Variants in CDC25C observed in about 807,000 individuals in gnomAD.
CDC25C encodes the protein M-phase inducer phosphatase 3.
Under a neutral mutation model 52.5 loss-of-function variants are expected in CDC25C, and 48 were observed. The observed-to-expected ratio is 0.91, with a 90% CI of 0.72 to 1.16. The LOEUF (loss-of-function observed/expected upper bound fraction) is 1.16. CDC25C is among the 50% of genes most tolerant of loss of function. The pLI, the probability that CDC25C is intolerant of heterozygous loss-of-function variation, is 0.00. For synonymous variants in CDC25C, 187 were observed against 206.5 expected, an observed-to-expected ratio of 0.91 and a Z score of 0.81; for missense variants, 510 against 566.1, an observed-to-expected ratio of 0.90 and a Z score of 1.01.
intron 3 of CDC25C, chr5:138,328,972 T>C: frequency 6.1e-6 from 1 of 162,852 alleles, no homozygotes; most frequent in Non-Finnish European, 1.3e-5. Context: ...TGGTGCTATC[T>C]TGGCTCACTG....
chr5:138,311,342 G>A (rs11567986), intron 7 of CDC25C, among the ~76,000 whole-genome samples: 15 of 152,234 alleles, frequency 9.9e-5, no homozygotes, highest in East Asian at 9.6e-4. Context: ...ACCTGTAATC[G>A]CAGCACCTTG....
At chr5:138,286,708 C>A in intron 11 of CDC25C, 78 bp from the exon 12 acceptor site, 1 of 1,341,094 alleles carries the variant, frequency 7.5e-7, no homozygotes, top group Non-Finnish European at 1.0e-6. Context: ...ACTGAGACGC[C>A]AACCTGGGAT....
intron 3 of CDC25C, 106 bp from the exon 4 acceptor site, chr5:138,328,635 A>T (rs1657895126): frequency 5.4e-6 from 5 of 929,672 alleles, no homozygotes; most frequent in Non-Finnish European, 5.3e-6. Context: ...AATTTCAAGG[A>T]CTGAGCTTTT....
rs780171836 is a variant in CDC25C, at chr5:138,331,003, G to C, written c.178C>G (p.Leu60Val). 1.4e-5 allele frequency: 23 copies of C among 1,611,152 alleles called. No individual in the cohort carries two copies. In the East Asian group the frequency reaches 5.1e-4, roughly 36 times the overall value. Reference sequence around the variant, plus strand: ...TATATTTACCCAGACAAAATGCTTAGGTTTGCAGAATCACCAAGAAATTTG... The same window carrying C: ...TATATTTACCCAGACAAAATGCTTACGTTTGCAGAATCACCAAGAAATTTG... Reference protein sequence around the residue: ...VGKFLGDSANLSILSGGTPKR... With the variant: ...VGKFLGDSANVSILSGGTPKR... Residue 60 changes from leucine to valine, a missense_variant, in exon 2 of 14, where the codon CTA becomes GTA. By Grantham distance (32) the Leu-to-Val change is conservative (BLOSUM62 1). Transcript: ENST00000323760.
At chr5:138,308,958 G>A (rs553848409) in intron 7 of CDC25C, among the ~76,000 whole-genome samples, 1 of 152,210 alleles carries the variant, frequency 6.6e-6, no homozygotes, top group Admixed American at 6.5e-5. Context: ...GGGTGGATAT[G>A]AGAATGAAAT....
At position 138,313,372 on chromosome 5, in the gene CDC25C, T is replaced by C. The variant is rs1377766491; in HGVS notation, c.615+5847A>G. Among the ~76,000 whole-genome samples, 221 of 110,622 alleles carry C rather than the reference T, an allele frequency of 2.0e-3. 1 individual carries two copies. The highest frequency in any genetic ancestry group is 7.5e-3 in the African/African-American group (208 of 27,644). The allele number at this position is 110,622 out of a possible 152,430, so 72.6% of individuals were successfully genotyped here. On this transcript the variant is annotated intron_variant, in intron 7 of 13. Transcript: ENST00000323760. ...CAGCTTGGGCGACAGAGCAAGACTA[T>C]ATCTCACAAAAAAAAAAAAAAAAAA... is the stretch of plus-strand genomic sequence containing the variant.
At chr5:138,330,508 G>GTTTTT (rs1190384598) in intron 2 of CDC25C, among the ~76,000 whole-genome samples, 1 of 152,000 alleles carries the variant, frequency 6.6e-6, no homozygotes, top group African/African-American at 2.4e-5. Flanking sequence ...TTATTTCTTT[G>GTTTTT]TCTTTTCTTT....
intron 4 of CDC25C, among the ~76,000 whole-genome samples, chr5:138,327,201 G>A (rs748417680): frequency 4.0e-5 from 6 of 150,776 alleles, no homozygotes; most frequent in Non-Finnish European, 7.4e-5. Context: ...GTTGTAGTGA[G>A]CCAAAATCGC....
At chr5:138,337,932 G>C (rs1412653711) in intron 1 of CDC25C, 119 of 1,281,928 alleles carry the variant, frequency 9.3e-5, no homozygotes, top group Non-Finnish European at 1.1e-4. Context: ...AGGGAGGGAG[G>C]GCAGGGGCGA....
chr5:138,313,379 CAAA>C (rs774904685), intron 7 of CDC25C, among the ~76,000 whole-genome samples: 19 of 37,068 alleles, frequency 5.1e-4, no homozygotes, highest in African/African-American at 1.9e-3. Flanking sequence ...CTATATCTCA[CAAA>C]AAAAAAAAAA....
At chr5:138,310,952 C>T (rs1758405150) in intron 7 of CDC25C, among the ~76,000 whole-genome samples, 1 of 152,208 alleles carries the variant, frequency 6.6e-6, no homozygotes, top group Non-Finnish European at 1.5e-5. Flanking sequence ...TACAAAGCTG[C>T]AGTAAACAGT....
upstream of CDC25C, among the ~76,000 whole-genome samples, chr5:138,332,531 A>G (rs1046945876): frequency 6.6e-6 from 1 of 152,130 alleles, no homozygotes; most frequent in African/African-American, 2.4e-5. Context: ...GACCTCAAAG[A>G]TTGGTTATTA....
Position 138,319,097 on chromosome 5 carries a change from G to A in CDC25C, c.615+122C>T, listed in dbSNP as rs1759135413. The A allele has an allele frequency of 8.8e-6, 7 of 796,832 alleles. No individual in the cohort carries two copies. The South Asian group carries it at 1.3e-4, about 14-fold the overall frequency. The allele number at this position is 796,832 out of a possible 1,614,324, so 49.4% of individuals were successfully genotyped here. A position where few individuals can be genotyped will look rare whatever the true frequency, so the allele number is the denominator to read the frequency against. ...TGAACATGTTCTGGCTATGAGGGTTGCTGGATTCACTAGTTATTTTTTTGC... is the reference window on the plus strand; with the variant it reads ...TGAACATGTTCTGGCTATGAGGGTTACTGGATTCACTAGTTATTTTTTTGC... On this transcript the variant is annotated intron_variant, in intron 7 of 13. Transcript: ENST00000323760.
intron 6 of CDC25C, among the ~76,000 whole-genome samples, chr5:138,325,554 G>A (rs1351982903): frequency 9.9e-5 from 15 of 152,012 alleles, no homozygotes; most frequent in Admixed American, 3.9e-4. Flanking sequence ...CTACAGTAAG[G>A]GTAATTTTTG....
intron 4 of CDC25C, among the ~76,000 whole-genome samples, chr5:138,328,116 C>T (rs1253012660): frequency 6.6e-6 from 1 of 152,234 alleles, no homozygotes; most frequent in Non-Finnish European, 1.5e-5. Context: ...ATCCGCCTGC[C>T]TTGGCCTCCC....
chr5:138,294,488 CCA>C (rs1441219524), intron 7 of CDC25C, among the ~76,000 whole-genome samples: 3 of 147,950 alleles, frequency 2.0e-5, no homozygotes, highest in African/African-American at 7.5e-5. Flanking sequence ...CCGTGCCCAA[CCA>C]CTCAGCTAAT....
upstream of CDC25C, chr5:138,333,781 A>G (rs1046212765): frequency 6.6e-6 from 1 of 152,196 alleles, no homozygotes; most frequent in Non-Finnish European, 1.5e-5. Flanking sequence ...GTGTCAGCCA[A>G]GTGGCTTTAG....
chr5:138,316,532 G>T (rs185707125), intron 7 of CDC25C, among the ~76,000 whole-genome samples: 258 of 152,216 alleles, frequency 1.7e-3, no homozygotes, highest in Non-Finnish European at 2.7e-3. Flanking sequence ...GACGGGGAGG[G>T]CTTAAAGGCT....
At chr5:138,322,605 A>T (rs150198102) in intron 6 of CDC25C, among the ~76,000 whole-genome samples, 21,443 of 149,796 alleles carry the variant, frequency 0.14, 1,811 homozygotes, top group South Asian at 0.23. Context: ...CCTCCAGAGT[A>T]GCTGGGACTA....
Sources: allele counts gnomAD v4.1 joint callset (sites outside exome capture counted in the v4.1 genomes callset), GRCh38; gene constraint gnomAD v4.1.1; transcripts MANE v1.5; gene names NCBI Gene and HGNC (gene_info 2026-07-23, HGNC 2026-07-21).